Variants in FANCM observed in about 807,000 individuals in gnomAD.
FANCM encodes the protein Fanconi anemia group M protein.
FANCM carries 140 observed loss-of-function variants against 199.5 expected under a neutral mutation model. The observed-to-expected ratio is 0.70, with a 90% CI of 0.61 to 0.81. The LOEUF (loss-of-function observed/expected upper bound fraction) is 0.81, where lower values mean the gene tolerates loss of function less well. Ranked by LOEUF, FANCM falls within the 30% of genes least tolerant of loss-of-function variation. FANCM has a pLI of 0.00. For missense variants in FANCM, 2,410 were observed against 2,421.4 expected, an observed-to-expected ratio of 1.00 and a Z score of 0.10; for synonymous variants, 840 against 836.8, an observed-to-expected ratio of 1.00 and a Z score of -0.07.
chr14:45,175,759 G>A lies in FANCM; in HGVS notation c.3005G>A (p.Ser1002Asn). 6.2e-7 allele frequency: 1 copy of A among 1,613,750 alleles called. No individual in the cohort carries two copies. Among genetic ancestry groups the A allele is most frequent in the Non-Finnish European group, 8.5e-7 (1 of 1,179,848 alleles). ...TTATCTTATTCTCCTCCGCCTCTCAGTGGACTCTCAGACTTGGAATATGAA... is the reference window on the plus strand; with the variant it reads ...TTATCTTATTCTCCTCCGCCTCTCAATGGACTCTCAGACTTGGAATATGAA... ...RFLSYSPPPL[S>N]GLSDLEYEIA... is the part of the protein sequence containing the mutation. Residue 1002 changes from serine to asparagine, a missense_variant, in exon 14 of 23, where the codon AGT becomes AAT. Ser to Asn is a conservative substitution (Grantham distance 46, BLOSUM62 1). Transcript: ENST00000267430.
intron 4 of FANCM, among the ~76,000 whole-genome samples, chr14:45,149,804 T>TACA (rs147416320): frequency 0.087 from 13,160 of 151,726 alleles, 733 homozygotes; most frequent in South Asian, 0.18. Context: ...TTTTGGTTCT[T>TACA]ACAACAACAA....
At chr14:45,160,151 G>C (rs749929008) in intron 9 of FANCM, among the ~76,000 whole-genome samples, 1 of 148,218 alleles carries the variant, frequency 6.7e-6, no homozygotes, top group Non-Finnish European at 1.5e-5. Flanking sequence ...AGGCACCCAC[G>C]CCTGGCTAAT....
chr14:45,199,619 A>G (rs56041531), intron 22 of FANCM, among the ~76,000 whole-genome samples: 2 of 152,254 alleles, frequency 1.3e-5, no homozygotes, highest in Non-Finnish European at 2.9e-5. Context: ...TACGGCTTCA[A>G]CATATGAATT....
chr14:45,193,367 A>G (rs1477293350), intron 20 of FANCM, among the ~76,000 whole-genome samples: 2 of 152,156 alleles, frequency 1.3e-5, no homozygotes, highest in Admixed American at 1.3e-4. Flanking sequence ...AGAAAACACT[A>G]ATTCCATACT....
chr14:45,151,397 A>G lies in FANCM; in HGVS notation c.919A>G (p.Ile307Val), dbSNP rs1451768854. Residue 307 changes from isoleucine to valine, a missense_variant and splice_region_variant, in exon 5 of 23, where the codon ATT becomes GTT. By Grantham distance (29) the Ile-to-Val change is conservative. Coordinates refer to ENST00000267430, the MANE Select transcript of FANCM (RefSeq NM_020937.4). ...AACTAGATTGCTTTTAAATTTGCAG[A>G]TTTTGGAATCATTTGCTCGTTCTTT... ...LAAIQKTYIQILESFARSLIQ... is the reference protein window; with the variant it reads ...LAAIQKTYIQVLESFARSLIQ... 1 of 1,613,542 alleles carries G rather than the reference A, an allele frequency of 6.2e-7. No homozygotes were observed. The highest frequency in any genetic ancestry group is 8.5e-7 in the Non-Finnish European group (1 of 1,179,798).
At position 45,175,441 on chromosome 14, in the gene FANCM, A is replaced by G. The variant is rs2139243150; in HGVS notation, c.2687A>G (p.Asn896Ser). Residue 896 changes from asparagine to serine, a missense_variant, in exon 14 of 23, where the codon AAT becomes AGT. Coordinates refer to ENST00000267430, the MANE Select transcript of FANCM (RefSeq NM_020937.4). ...VENIFQEDLP[N>S]DKRTSDTDEI... ...AATATTTTTCAAGAAGACCTACCAA[A>G]TGATAAAAGGACATCAGATACAGAT... 5 of 1,594,672 alleles carry G rather than the reference A, an allele frequency of 3.1e-6. No individual in the cohort carries two copies. The highest frequency in any genetic ancestry group is 4.3e-6 in the Non-Finnish European group (5 of 1,172,116).
intron 3 of FANCM, among the ~76,000 whole-genome samples, chr14:45,145,545 ACT>A (rs998855235): frequency 6.6e-6 from 1 of 151,876 alleles, no homozygotes; most frequent in African/African-American, 2.4e-5. Flanking sequence ...CAGAAACTGC[ACT>A]CTCCTTCCCC....
In FANCM at chr14:45,176,641, T is replaced by C. The variant is rs760563906; in HGVS notation, c.3887T>C (p.Ile1296Thr). The C allele has an allele frequency of 3.7e-6, 6 of 1,613,620 alleles. No homozygotes were observed. Among genetic ancestry groups the C allele is most frequent in the East Asian group, 2.2e-5 (1 of 44,792 alleles). ...AATTTTACTAGTGGAACTGTTATTA[T>C]CCCATCAAATGAAGATATGCAGAAT... ...SKNFTSGTVI[I>T]PSNEDMQNPN... is the part of the protein sequence containing the mutation. Residue 1296 changes from isoleucine (I) to threonine (T), a missense_variant, in exon 14 of 23, where the codon ATC (isoleucine) becomes ACC (threonine). Ile to Thr is a moderately conservative substitution (Grantham distance 89, BLOSUM62 -1). Coordinates refer to ENST00000267430, the MANE Select transcript of FANCM (RefSeq NM_020937.4).
At chr14:45,156,190 T>G (rs188059207) in intron 8 of FANCM, among the ~76,000 whole-genome samples, 166 of 152,112 alleles carry the variant, frequency 1.1e-3, no homozygotes, top group African/African-American at 3.8e-3. Flanking sequence ...GGGGGAGAGA[T>G]AATTCCAAGC....
Position 45,175,597 on chromosome 14 carries a change from G to A in FANCM, c.2843G>A (p.Ser948Asn), listed in dbSNP as rs1040437114. ...AATGTTTTAGATTCTGGTTATAACA[G>A]TTTCAATGATGAAAAATCTGTTTCA... The part of the protein sequence containing the change: ...AGNVLDSGYN[S>N]FNDEKSVSSN... The change falls in exon 14 of 23, where the codon AGT becomes AAT. Residue 948 changes from serine (S) to asparagine (N), a missense_variant. Transcript: ENST00000267430. The A allele has an allele frequency of 3.7e-6, 6 of 1,613,466 alleles. No individual in the cohort carries two copies. The highest frequency in any genetic ancestry group is 3.3e-5 in the Admixed American group (2 of 59,970).
At chr14:45,138,503 G>A (rs1204438012) in intron 2 of FANCM, among the ~76,000 whole-genome samples, 1 of 151,752 alleles carries the variant, frequency 6.6e-6, no homozygotes, top group Non-Finnish European at 1.5e-5. Flanking sequence ...TTAATACATA[G>A]CATGTTAAAA....
At chr14:45,177,772 CAT>C (rs1360970949) in intron 14 of FANCM, among the ~76,000 whole-genome samples, 1 of 151,988 alleles carries the variant, frequency 6.6e-6, no homozygotes, top group Non-Finnish European at 1.5e-5. Context: ...ATACTAAAGA[CAT>C]AATTTAGGTG....
At chr14:45,151,978 CAAG>C (rs1364535604) in intron 5 of FANCM, among the ~76,000 whole-genome samples, 2 of 147,306 alleles carry the variant, frequency 1.4e-5, no homozygotes, top group African/African-American at 5.0e-5. Context: ...GAAAAATCTG[CAAG>C]AATACAATGT....
intron 2 of FANCM, among the ~76,000 whole-genome samples, chr14:45,140,172 C>A (rs1326067269): frequency 6.6e-6 from 1 of 152,150 alleles, no homozygotes; most frequent in Non-Finnish European, 1.5e-5. Flanking sequence ...GTGGCCCAGA[C>A]AATGGAAACT....
At chr14:45,197,451 G>A (rs1227796963) in intron 21 of FANCM, among the ~76,000 whole-genome samples, 3 of 150,436 alleles carry the variant, frequency 2.0e-5, no homozygotes, top group East Asian at 3.9e-4. Context: ...TTATCTTTTG[G>A]TTACCCAATT....
chr14:45,164,311 G>T (rs771583114), intron 9 of FANCM, 48 bp from the exon 10 acceptor site: 1 of 1,430,882 alleles, frequency 7.0e-7, no homozygotes, highest in East Asian at 2.3e-5. Context: ...TTGATCTACA[G>T]TTCTCTTACA....
Position 45,199,940 on chromosome 14 carries a change from C to T in FANCM, c.6079C>T (p.His2027Tyr). The T allele has an allele frequency of 1.3e-6, 2 of 1,599,622 alleles. No homozygotes were observed. The highest frequency in any genetic ancestry group is 1.7e-6 in the Non-Finnish European group (2 of 1,167,120). ...GGCTGAGGAGATCTATAGATATATT[C>T]ACTATGTATTTGACATACAAATGTT... The part of the protein sequence containing the change: ...QKAEEIYRYI[H>Y]YVFDIQMLPN... Residue 2027 changes from histidine (H) to tyrosine (Y), a missense_variant, in exon 23 of 23, where the codon CAC becomes TAC. Physicochemically the swap from His to Tyr is moderately conservative, Grantham distance 83. Transcript: ENST00000267430.
chr14:45,183,783 T>C lies in FANCM; in HGVS notation c.4396T>C (p.Ser1466Pro), dbSNP rs762757612. 1 of 1,606,990 alleles carries C rather than the reference T, an allele frequency of 6.2e-7. No individual in the cohort carries two copies. The highest frequency in any genetic ancestry group is 1.1e-5 in the South Asian group (1 of 90,776). Residue 1466 changes from serine (S) to proline (P), a missense_variant, in exon 17 of 23, where the codon TCA (serine) becomes CCA (proline). Physicochemically the swap from Ser to Pro is moderately conservative, Grantham distance 74 (BLOSUM62 -1). Coordinates refer to ENST00000267430, the MANE Select transcript of FANCM (RefSeq NM_020937.4). ...TGTCGAATTATTATAGTCAGAATTA[T>C]CATCTAGTGATGAGAGTGAGAATTT... ...RRFPINRSELSSSDESENFPK... is the reference protein window; with the variant it reads ...RRFPINRSELPSSDESENFPK...
In FANCM at chr14:45,173,223, T is replaced by C. The variant is rs1485043666; in HGVS notation, c.2316+13T>C. 1 of 1,611,310 alleles carries C rather than the reference T, an allele frequency of 6.2e-7. No homozygotes were observed. The highest frequency in any genetic ancestry group is 8.5e-7 in the Non-Finnish European group (1 of 1,177,470). On this transcript the variant is annotated intron_variant, in intron 13 of 22. Transcript: ENST00000267430. ...GAGACACGAAGAGGTGGGGTTTTAT[T>C]GTAACTTTCTCTTGCTGGTATGATA...
Sources: gnomAD v4.1 joint callset for allele counts (sites outside exome capture counted in the v4.1 genomes callset) on GRCh38, gnomAD v4.1.1 for gene constraint, MANE v1.5 for transcripts, NCBI Gene and HGNC (gene_info 2026-07-23, HGNC 2026-07-21) for gene names.